KCTD16: variants seen among roughly 807,000 people sequenced by gnomAD.
The protein encoded by KCTD16 is BTB/POZ domain-containing protein KCTD16.
KCTD16 carries 13 observed loss-of-function variants against 33.2 expected under a neutral mutation model. That is an observed-to-expected ratio of 0.39 (90% CI 0.25 to 0.62). KCTD16 has a LOEUF of 0.62. Ranked by LOEUF, KCTD16 falls within the 20% of genes least tolerant of loss-of-function variation. The pLI is 0.50. For synonymous variants in KCTD16, 197 were observed against 195.3 expected, an observed-to-expected ratio of 1.01 and a Z score of -0.07; for missense variants, 441 against 525.1, an observed-to-expected ratio of 0.84 and a Z score of 1.57.
In KCTD16 at chr5:144,482,923, C is replaced by A. The variant is rs959158725; in HGVS notation, c.*8809C>A. On this transcript the variant is annotated 3_prime_UTR_variant, in exon 4 of 4. Coordinates refer to ENST00000512467, the MANE Select transcript of KCTD16 (RefSeq NM_020768.4). ...ATTTATATTTGGTTTCCTAGACGGT[C>A]TAATATAGTTCTAATTTCCAAAATT... is the stretch of plus-strand genomic sequence containing the variant. 1 of 151,398 alleles carries A rather than the reference C, an allele frequency of 6.6e-6. No individual in the cohort carries two copies. Among genetic ancestry groups the A allele is most frequent in the Non-Finnish European group, 1.5e-5 (1 of 67,810 alleles). 9.4% of individuals were successfully genotyped at this position (151,398 alleles called of 1,614,324 possible). A position where few individuals can be genotyped will look rare whatever the true frequency, so the allele number is the denominator to read the frequency against.
At chr5:144,315,807 G>A (rs951130743) in intron 3 of KCTD16, among the ~76,000 whole-genome samples, 12 of 152,084 alleles carry the variant, frequency 7.9e-5, no homozygotes, top group African/African-American at 2.7e-4. Context: ...ATCACTGGAA[G>A]CACTTTTTAA....
At chr5:144,241,754 G>T (rs756298502) in intron 3 of KCTD16, among the ~76,000 whole-genome samples, 5 of 152,134 alleles carry the variant, frequency 3.3e-5, no homozygotes, top group African/African-American at 4.8e-5. Context: ...TGAATGAGTG[G>T]ATTAGTGGCT....
At chr5:144,178,388 G>T (rs1752548384) in intron 2 of KCTD16, among the ~76,000 whole-genome samples, 1 of 151,968 alleles carries the variant, frequency 6.6e-6, no homozygotes, top group Non-Finnish European at 1.5e-5. Flanking sequence ...TTGTTATTAA[G>T]ACTAATTATA....
intron 3 of KCTD16, among the ~76,000 whole-genome samples, chr5:144,449,966 A>C (rs1753904632): frequency 6.6e-6 from 1 of 152,070 alleles, no homozygotes; most frequent in Non-Finnish European, 1.5e-5. Context: ...TTAAACTAAA[A>C]AACTTCTGCA....
intron 3 of KCTD16, among the ~76,000 whole-genome samples, chr5:144,285,411 C>T (rs1477740636): frequency 6.6e-6 from 1 of 152,216 alleles, no homozygotes; most frequent in Non-Finnish European, 1.5e-5. Context: ...AATGTTCTCT[C>T]TTTTCATTTC....
At chr5:144,344,154 G>A (rs540025120) in intron 3 of KCTD16, among the ~76,000 whole-genome samples, 322 of 152,172 alleles carry the variant, frequency 2.1e-3, no homozygotes, top group African/African-American at 6.7e-3. Context: ...CTGGCTAGCC[G>A]TATGTAGAAA....
At position 144,348,085 on chromosome 5, in the gene KCTD16, CTT is replaced by C. The variant is rs767925692; in HGVS notation, c.833-125572_833-125571del. On this transcript the variant is annotated intron_variant, in intron 3 of 3. Coordinates refer to ENST00000512467, the MANE Select transcript of KCTD16 (RefSeq NM_020768.4). The stretch of plus-strand genomic sequence containing the variant: ...TATAACTTACTTCCACTCTTTGACT[CTT>C]TTGTTTAACCACATTCCAATGCCTG... Among the ~76,000 whole-genome samples the C allele has an allele frequency of 7.2e-5, 11 of 152,294 alleles. No homozygotes were observed. In the East Asian group the frequency reaches 1.3e-3, roughly 19 times the overall value.
chr5:144,254,045 A>G (rs772961199), intron 3 of KCTD16, among the ~76,000 whole-genome samples: 1 of 152,148 alleles, frequency 6.6e-6, no homozygotes, highest in Non-Finnish European at 1.5e-5. Flanking sequence ...TAGGGTAACA[A>G]TTTGTTGTCT....
intron 3 of KCTD16, among the ~76,000 whole-genome samples, chr5:144,441,800 C>T (rs1207372835): frequency 6.9e-6 from 1 of 144,026 alleles, no homozygotes; most frequent in African/African-American, 2.6e-5. Context: ...TTTCTTTCAG[C>T]AATTTTGTAT....
chr5:144,246,242 G>T (rs531766121), intron 3 of KCTD16, among the ~76,000 whole-genome samples: 5 of 152,244 alleles, frequency 3.3e-5, no homozygotes, highest in African/African-American at 9.6e-5. Flanking sequence ...CCAGAGTGGG[G>T]CTTGTAAGTT....
intron 3 of KCTD16, among the ~76,000 whole-genome samples, chr5:144,243,470 C>T (rs1561540832): frequency 1.3e-5 from 2 of 152,200 alleles, no homozygotes; most frequent in East Asian, 3.9e-4. Flanking sequence ...ATTTGGATCC[C>T]ATGTGTATTT....
At chr5:144,454,089 C>G (rs1225641895) in intron 3 of KCTD16, among the ~76,000 whole-genome samples, 3 of 152,128 alleles carry the variant, frequency 2.0e-5, no homozygotes, top group Admixed American at 6.5e-5. Flanking sequence ...TCTAGACTGG[C>G]TAGATAAATC....
chr5:144,431,560 A>T (rs1333873869), intron 3 of KCTD16, among the ~76,000 whole-genome samples: 1 of 152,100 alleles, frequency 6.6e-6, no homozygotes, highest in Non-Finnish European at 1.5e-5. Flanking sequence ...ATTGCCTGGA[A>T]TGTGTTTAAA....
intron 3 of KCTD16, among the ~76,000 whole-genome samples, chr5:144,222,875 A>G (rs2126805180): frequency 6.6e-6 from 1 of 152,348 alleles, no homozygotes; most frequent in South Asian, 2.1e-4. Context: ...CACAATAGCA[A>G]AGACTTGGAA....
At chr5:144,175,006 A>G (rs1015508577) in intron 2 of KCTD16, among the ~76,000 whole-genome samples, 10 of 152,174 alleles carry the variant, frequency 6.6e-5, no homozygotes, top group African/African-American at 2.4e-4. Context: ...AGTAGGGGAG[A>G]TAATATGAAA....
At chr5:144,270,463 A>G (rs1342605565) in intron 3 of KCTD16, among the ~76,000 whole-genome samples, 2 of 151,952 alleles carry the variant, frequency 1.3e-5, no homozygotes, top group African/African-American at 4.8e-5. Flanking sequence ...AAAATTAGAA[A>G]ATACTTAGAG....
chr5:144,171,972 A>G (rs1752394553), intron 1 of KCTD16, among the ~76,000 whole-genome samples: 1 of 152,224 alleles, frequency 6.6e-6, no homozygotes, highest in Admixed American at 6.5e-5. Context: ...TTCAGGGTTT[A>G]TAGCAATAAA....
In KCTD16 at chr5:144,394,605, G is replaced by A. The variant is rs559194159; in HGVS notation, c.833-79055G>A. Among the ~76,000 whole-genome samples the A allele has an allele frequency of 5.3e-5, 8 of 152,254 alleles. No individual in the cohort carries two copies. The South Asian group carries it at 1.0e-3, about 20-fold the overall frequency. The stretch of plus-strand genomic sequence containing the variant: ...GTAATCCCCATAATCCCCACATGTC[G>A]AGAGACGGACCCAGTGAGATGTGAA... On this transcript the variant is annotated intron_variant, in intron 3 of 3. Transcript: ENST00000512467.
chr5:144,323,931 T>C (rs185010783), intron 3 of KCTD16, among the ~76,000 whole-genome samples: 132 of 152,306 alleles, frequency 8.7e-4, no homozygotes, highest in Middle Eastern at 3.4e-3. Flanking sequence ...TGCATCTTCA[T>C]GTACTGTGAC....
Sources: gnomAD v4.1 joint callset for allele counts (sites outside exome capture counted in the v4.1 genomes callset) on GRCh38, gnomAD v4.1.1 for gene constraint, MANE v1.5 for transcripts, NCBI Gene and HGNC (gene_info 2026-07-23, HGNC 2026-07-21) for gene names.